Variants in CCL5 observed in about 807,000 individuals in gnomAD.
CCL5 encodes the protein C-C motif chemokine ligand 5.
Under a neutral mutation model 9.0 loss-of-function variants are expected in CCL5, and 5 were observed. The observed-to-expected ratio is 0.55, with a 90% CI of 0.29 to 1.16. The LOEUF (loss-of-function observed/expected upper bound fraction) is 1.16. Ranked by LOEUF, CCL5 falls within the 50% of genes most tolerant of loss-of-function variation. The pLI is 0.08. For missense variants in CCL5, 183 were observed against 183.2 expected (o/e 1.00, Z 0.01); for synonymous variants, 66 against 72.0 (o/e 0.92, Z 0.42).
intron 2 of CCL5, among the ~76,000 whole-genome samples, chr17:35,878,228 A>G (rs2088466197): frequency 7.3e-6 from 1 of 136,688 alleles, no homozygotes; most frequent in South Asian, 2.4e-4. Flanking sequence ...GCTTGCAGTG[A>G]GCCGAGATCG....
In CCL5 at chr17:35,871,846, A is replaced by AT. The variant is rs1399029060; in HGVS notation, c.*423dup. 6.6e-6 allele frequency: 1 copy of AT among 151,472 alleles called. No homozygotes were observed. The highest frequency in any genetic ancestry group is 1.5e-5 in the Non-Finnish European group (1 of 68,050). 9.4% of individuals were successfully genotyped at this position (151,472 alleles called of 1,614,324 possible). A position where few individuals can be genotyped will look rare whatever the true frequency, so the allele number is the denominator to read the frequency against. ...AGCCTCCACCTCCTGGGTTCAAACA[A>AT]TTTTCCTGCCTTAGCCTCCCGAGTA... On this transcript the variant is annotated 3_prime_UTR_variant, in exon 4 of 4. Transcript: ENST00000651122.
intron 1 of CCL5, 122 bp downstream of exon 1, chr17:35,880,108 T>C: frequency 1.3e-6 from 1 of 755,502 alleles, no homozygotes; most frequent in Non-Finnish European, 2.4e-6. Flanking sequence ...AATAATGGGG[T>C]TCAGACAGTA....
chr17:35,872,547 A>G (rs2088384905), intron 3 of CCL5, 83 bp from the exon 3 acceptor site: 1 of 1,112,772 alleles, frequency 9.0e-7, no homozygotes, highest in African/African-American at 1.5e-5. Flanking sequence ...GGATTAAGGT[A>G]TAAAGGGAAA....
At chr17:35,879,506 G>A (rs970602906) in intron 1 of CCL5, among the ~76,000 whole-genome samples, 2 of 151,924 alleles carry the variant, frequency 1.3e-5, no homozygotes, top group South Asian at 4.2e-4. Flanking sequence ...GTGGTGGCGG[G>A]TGCCTGTAGT....
chr17:35,878,446 T>C, intron 2 of CCL5, 82 bp downstream of exon 2: 1 of 874,170 alleles, frequency 1.1e-6, no homozygotes, highest in Non-Finnish European at 1.9e-6. Flanking sequence ...AGCTGGAGGA[T>C]AGGTGGAAGT....
chr17:35,872,590 G>A, intron 3 of CCL5, 126 bp from the exon 3 acceptor site: 1 of 745,574 alleles, frequency 1.3e-6, no homozygotes. Context: ...CATATTTGGA[G>A]CTCCATAAGA....
In CCL5 at chr17:35,872,837, G is replaced by A. The variant is rs888751196; in HGVS notation, c.271-373C>T. Reference sequence around the variant, plus strand: ...GGTGCTTAAGATGCAGAGAGAATAAGGTGTCCCTCAAGAACTGAGTCATGA... The same window carrying A: ...GGTGCTTAAGATGCAGAGAGAATAAAGTGTCCCTCAAGAACTGAGTCATGA... On this transcript the variant is annotated intron_variant, in intron 3 of 3. Coordinates refer to ENST00000651122, the MANE Select transcript of CCL5 (RefSeq NM_001278736.2). Among the ~76,000 whole-genome samples, 25 of 152,134 alleles carry A rather than the reference G, an allele frequency of 1.6e-4. 1 individual carries two copies. The highest frequency in any genetic ancestry group is 2.9e-5 in the Non-Finnish European group (2 of 68,034).
At chr17:35,878,805 G>C (rs913315455) in intron 1 of CCL5, among the ~76,000 whole-genome samples, 166 bp from the exon 2 acceptor site, 2 of 152,246 alleles carry the variant, frequency 1.3e-5, no homozygotes, top group African/African-American at 4.8e-5. Context: ...AACAGTGGCA[G>C]AGTGGGGATT....
In CCL5 at chr17:35,872,172, C is replaced by T. The variant is rs1421543370; in HGVS notation, c.*98G>A. 1.3e-6 allele frequency: 1 copy of T among 760,894 alleles called. No homozygotes were observed. 47.1% of individuals were successfully genotyped at this position (760,894 alleles called of 1,614,324 possible). A position where few individuals can be genotyped will look rare whatever the true frequency, so the allele number is the denominator to read the frequency against. On this transcript the variant is annotated 3_prime_UTR_variant, in exon 4 of 4. Transcript: ENST00000651122. The stretch of plus-strand genomic sequence containing the variant: ...TCCTGACCTCAAGTGATCCACCCAC[C>T]TTGGCCTCCCAAAGTGCTGGGATTA...
At chr17:35,872,501 T>C (rs1568345304) in intron 3 of CCL5, 37 bp from the exon 3 acceptor site, 1 of 1,587,150 alleles carries the variant, frequency 6.3e-7, no homozygotes, top group Admixed American at 1.7e-5. Flanking sequence ...GATGAGACCT[T>C]GTCAGTACCG....
intron 3 of CCL5, among the ~76,000 whole-genome samples, chr17:35,872,818 T>C (rs2088389144): frequency 6.6e-6 from 1 of 152,296 alleles, no homozygotes; most frequent in South Asian, 2.1e-4. Context: ...GCTGGGTGCT[T>C]AAGATGCAGA....
At chr17:35,875,110 A>C (rs560892045) in intron 3 of CCL5, among the ~76,000 whole-genome samples, 1 of 151,502 alleles carries the variant, frequency 6.6e-6, no homozygotes, top group African/African-American at 2.4e-5. Flanking sequence ...CTATGTACCC[A>C]CCTTATTTAA....
At chr17:35,875,177 G>A (rs1012363809) in intron 3 of CCL5, among the ~76,000 whole-genome samples, 3 of 152,042 alleles carry the variant, frequency 2.0e-5, no homozygotes, top group African/African-American at 7.3e-5. Context: ...CTCTATGCAT[G>A]TATTGGTGTG....
chr17:35,873,750 G>C (rs1342283799), intron 3 of CCL5, among the ~76,000 whole-genome samples: 1 of 152,168 alleles, frequency 6.6e-6, no homozygotes, highest in East Asian at 1.9e-4. Context: ...GAATAAGTTT[G>C]GAAAAATACC....
In CCL5 at chr17:35,875,566, C is replaced by T. The variant is rs1328373474; in HGVS notation, c.265G>A (p.Gly89Ser). 1 of 984,870 alleles carries T rather than the reference C, an allele frequency of 1.0e-6. No individual in the cohort carries two copies. The highest frequency in any genetic ancestry group is 1.2e-6 in the Non-Finnish European group (1 of 829,442). The allele number at this position is 984,870 out of a possible 1,614,324, so 61.0% of individuals were successfully genotyped here. A position where few individuals can be genotyped will look rare whatever the true frequency, so the allele number is the denominator to read the frequency against. The change falls in exon 3 of 4, where the codon GGC becomes AGC. Residue 89 changes from glycine (G) to serine (S), a missense_variant. Physicochemically the swap from Gly to Ser is moderately conservative, Grantham distance 56. Coordinates refer to ENST00000651122, the MANE Select transcript of CCL5 (RefSeq NM_001278736.2). ...TGAGAGTTTCAGACACAGACCTTGC[C>T]CTTGTTCAGCCGGGAGTCATACAGG...
intron 3 of CCL5, among the ~76,000 whole-genome samples, chr17:35,872,707 A>G (rs551348072): frequency 1.3e-5 from 2 of 152,304 alleles, no homozygotes; most frequent in Admixed American, 6.5e-5. Context: ...ACACAAATGC[A>G]TGTAGCCTGA....
In CCL5 at chr17:35,872,225, G is replaced by GGGAAGGT; in HGVS notation, c.*38_*44dup. 7.2e-7 allele frequency: 1 copy of GGGAAGGT among 1,384,500 alleles called. No individual in the cohort carries two copies. The highest frequency in any genetic ancestry group is 9.6e-7 in the Non-Finnish European group (1 of 1,042,796). 85.8% of individuals were successfully genotyped at this position (1,384,500 alleles called of 1,614,324 possible). On this transcript the variant is annotated 3_prime_UTR_variant, in exon 4 of 4. Coordinates refer to ENST00000651122, the MANE Select transcript of CCL5 (RefSeq NM_001278736.2). ...GGCGTGAGCCACCACGTCCAGCCTG[G>GGGAAGGT]GGAAGGTTTTTGTAACTGCTGCTGT...
chr17:35,878,231 C>G (rs980172045), intron 2 of CCL5, among the ~76,000 whole-genome samples: 5 of 137,276 alleles, frequency 3.6e-5, no homozygotes, highest in African/African-American at 8.3e-5. Context: ...TGCAGTGAGC[C>G]GAGATCGTGC....
chr17:35,874,704 G>A (rs748923365), intron 3 of CCL5, among the ~76,000 whole-genome samples: 3 of 152,036 alleles, frequency 2.0e-5, no homozygotes, highest in East Asian at 1.9e-4. Context: ...TTCGCCTCCC[G>A]GGTTCAAGCG....
Sources: allele counts gnomAD v4.1 joint callset (sites outside exome capture counted in the v4.1 genomes callset), GRCh38; gene constraint gnomAD v4.1.1; transcripts MANE v1.5; gene names NCBI Gene and HGNC (gene_info 2026-07-23, HGNC 2026-07-21).